AHI1: variants seen among roughly 807,000 people sequenced by gnomAD.
The protein encoded by AHI1 is jouberin.
AHI1 carries 123 observed loss-of-function variants against 149.3 expected under a neutral mutation model. That is an observed-to-expected ratio of 0.82 (90% CI 0.71 to 0.96). The LOEUF (loss-of-function observed/expected upper bound fraction) is 0.96, where lower values mean the gene tolerates loss of function less well. Ranked by LOEUF, AHI1 falls within the 40% of genes least tolerant of loss-of-function variation. The probability of loss-of-function intolerance (pLI) is 0.00; values close to 1 mark genes in which losing one functional copy is unlikely to be tolerated. For synonymous variants in AHI1, 475 were observed against 459.8 expected (o/e 1.03, Z -0.42); for missense variants, 1,439 against 1,422.7 (o/e 1.01, Z -0.18).
intron 23 of AHI1, among the ~76,000 whole-genome samples, chr6:135,367,309 G>C (rs890773397): frequency 6.6e-6 from 1 of 152,044 alleles, no homozygotes; most frequent in African/African-American, 2.4e-5. Flanking sequence ...CCTTCATCTT[G>C]ACTTTAGATA....
At chr6:135,334,261 C>T (rs1789035329) in intron 24 of AHI1, among the ~76,000 whole-genome samples, 1 of 152,032 alleles carries the variant, frequency 6.6e-6, no homozygotes, top group African/African-American at 2.4e-5. Context: ...GATGATGGGG[C>T]CTTTGGGAGG....
intron 26 of AHI1, chr6:135,302,069 G>T: frequency 1.0e-6 from 1 of 966,724 alleles, no homozygotes; most frequent in Non-Finnish European, 1.2e-6. Context: ...GTAGCTCACT[G>T]CAGCCTTGAA....
At chr6:135,337,112 A>T (rs17064438) in intron 24 of AHI1, among the ~76,000 whole-genome samples, 1,568 of 152,304 alleles carry the variant, frequency 0.01, 32 homozygotes, top group African/African-American at 0.036. Context: ...CCATGGGAAC[A>T]CAAACCTGCT....
intron 6 of AHI1, 77 bp downstream of exon 6, chr6:135,467,504 G>A: frequency 8.7e-7 from 1 of 1,152,034 alleles, no homozygotes; most frequent in South Asian, 1.3e-5. Context: ...AAAAACCATT[G>A]CTGACTGTGT....
At chr6:135,389,369 G>C (rs1264965999) in intron 23 of AHI1, among the ~76,000 whole-genome samples, 1 of 148,882 alleles carries the variant, frequency 6.7e-6, no homozygotes, top group Non-Finnish European at 1.5e-5. Context: ...CGATGCACAA[G>C]AGTTAGCTTG....
intron 24 of AHI1, among the ~76,000 whole-genome samples, chr6:135,323,712 CAGA>C (rs921976724): frequency 2.6e-5 from 4 of 152,040 alleles, no homozygotes; most frequent in African/African-American, 4.8e-5. Context: ...AAAAATTCTT[CAGA>C]AGGTCTACAG....
chr6:135,358,063 T>C, intron 24 of AHI1, 69 bp downstream of exon 24: 1 of 1,413,252 alleles, frequency 7.1e-7, no homozygotes, highest in Non-Finnish European at 9.8e-7. Context: ...ACAATGGCAC[T>C]GTAACTATAA....
intron 18 of AHI1, 125 bp from the exon 19 acceptor site, chr6:135,428,884 G>T: frequency 1.2e-6 from 1 of 809,940 alleles, no homozygotes; most frequent in Non-Finnish European, 1.9e-6. Context: ...TCTGCCATAT[G>T]GGAGACATTC....
At chr6:135,472,541 G>GATA (rs1791914770) in intron 5 of AHI1, among the ~76,000 whole-genome samples, 1 of 152,186 alleles carries the variant, frequency 6.6e-6, no homozygotes, top group African/African-American at 2.4e-5. Context: ...ATGGTAAACA[G>GATA]ATATTTAACT....
At chr6:135,472,611 C>A (rs1562255103) in intron 5 of AHI1, among the ~76,000 whole-genome samples, 2 of 152,188 alleles carry the variant, frequency 1.3e-5, no homozygotes, top group African/African-American at 4.8e-5. Flanking sequence ...TTTTTATCAG[C>A]AATTTCTAAG....
At chr6:135,413,555 G>A (rs1027387227) in intron 20 of AHI1, among the ~76,000 whole-genome samples, 1 of 151,954 alleles carries the variant, frequency 6.6e-6, no homozygotes, top group African/African-American at 2.4e-5. Context: ...AGGCACACAG[G>A]CAGCAAAATT....
chr6:135,358,208 G>T, intron 23 of AHI1, 21 bp from the exon 24 acceptor site: 1 of 1,579,458 alleles, frequency 6.3e-7, no homozygotes, highest in Non-Finnish European at 8.5e-7. Context: ...AAAACATTGT[G>T]AGTATTTGGT....
At chr6:135,404,213 T>C (rs1562684014) in intron 22 of AHI1, among the ~76,000 whole-genome samples, 1 of 152,208 alleles carries the variant, frequency 6.6e-6, no homozygotes, top group Non-Finnish European at 1.5e-5. Context: ...GATGAACTCA[T>C]GTTGCCATTC....
chr6:135,442,662 C>A lies in AHI1; in HGVS notation c.1832G>T (p.Gly611Val). Reference protein sequence around the residue: ...HLFSLNAGERGCFCLDFSHNG... With the variant: ...HLFSLNAGERVCFCLDFSHNG... Reference sequence around the variant, plus strand: ...GTGGGAGAAATCAAGACAAAAACATCCTCGTTCTCCTGCATTTAGTGAGAA... The same window carrying A: ...GTGGGAGAAATCAAGACAAAAACATACTCGTTCTCCTGCATTTAGTGAGAA... Residue 611 changes from glycine to valine, a missense_variant, in exon 14 of 29, where the codon GGA becomes GTA. Coordinates refer to ENST00000265602, the MANE Select transcript of AHI1 (RefSeq NM_001134831.2). The A allele has an allele frequency of 6.2e-7, 1 of 1,611,222 alleles. No individual in the cohort carries two copies. The highest frequency in any genetic ancestry group is 8.5e-7 in the Non-Finnish European group (1 of 1,178,536).
At chr6:135,348,426 CT>C (rs1027108876) in intron 24 of AHI1, among the ~76,000 whole-genome samples, 4 of 151,922 alleles carry the variant, frequency 2.6e-5, no homozygotes, top group African/African-American at 9.7e-5. Context: ...TTTTATTTTC[CT>C]TTTGGTAAAG....
At chr6:135,328,568 C>T (rs1284780579) in intron 24 of AHI1, among the ~76,000 whole-genome samples, 1 of 151,944 alleles carries the variant, frequency 6.6e-6, no homozygotes, top group East Asian at 1.9e-4. Flanking sequence ...CAACCTCCAC[C>T]CTCTTACCCC....
At chr6:135,370,033 G>A (rs1177987276) in intron 23 of AHI1, among the ~76,000 whole-genome samples, 1 of 152,084 alleles carries the variant, frequency 6.6e-6, no homozygotes. Flanking sequence ...TTTATTCATT[G>A]TTCTTTTTCT....
chr6:135,363,983 G>A (rs1411990419), intron 23 of AHI1, among the ~76,000 whole-genome samples: 2 of 148,314 alleles, frequency 1.3e-5, no homozygotes, highest in Non-Finnish European at 3.0e-5. Flanking sequence ...CGGCTGGCCG[G>A]GCAGAGGGGC....
At chr6:135,362,103 GGTGT>G (rs749692605) in intron 23 of AHI1, among the ~76,000 whole-genome samples, 2 of 151,638 alleles carry the variant, frequency 1.3e-5, no homozygotes, top group East Asian at 3.9e-4. Context: ...AGTATTCCAT[GGTGT>G]GTGTGTGTAG....
Sources: allele counts gnomAD v4.1 joint callset (sites outside exome capture counted in the v4.1 genomes callset), GRCh38; gene constraint gnomAD v4.1.1; transcripts MANE v1.5; gene names NCBI Gene and HGNC (gene_info 2026-07-23, HGNC 2026-07-21).